CTDP1: variants seen among roughly 807,000 people sequenced by gnomAD.
The protein encoded by CTDP1 is RNA polymerase II subunit A C-terminal domain phosphatase.
CTDP1 carries 47 observed loss-of-function variants against 91.8 expected under a neutral mutation model. That is an observed-to-expected ratio of 0.51 (90% CI 0.41 to 0.65). CTDP1 has a LOEUF of 0.65. Ranked by LOEUF, CTDP1 falls within the 30% of genes least tolerant of loss-of-function variation. The pLI, the probability that CTDP1 is intolerant of heterozygous loss-of-function variation, is 0.00. For synonymous variants in CTDP1, 656 were observed against 598.5 expected (o/e 1.10, Z -1.40); for missense variants, 1,272 against 1,373.7 (o/e 0.93, Z 1.17).
chr18:79,722,843 C>G (rs1354955612), intron 10 of CTDP1, among the ~76,000 whole-genome samples: 2 of 152,238 alleles, frequency 1.3e-5, no homozygotes, highest in Non-Finnish European at 2.9e-5. Context: ...TCTGCGGGGC[C>G]TTCGTGCTGC....
intron 12 of CTDP1, among the ~76,000 whole-genome samples, chr18:79,753,342 G>A (rs1225467740): frequency 2.6e-5 from 4 of 152,244 alleles, no homozygotes; most frequent in Admixed American, 1.3e-4. Context: ...CTGTTTTCCT[G>A]TTCTGATGTC....
chr18:79,709,720 C>T (rs2086041586), intron 5 of CTDP1, among the ~76,000 whole-genome samples: 1 of 152,162 alleles, frequency 6.6e-6, no homozygotes, highest in African/African-American at 2.4e-5. Context: ...AGGCAGGCTT[C>T]CTCGATGTTG....
chr18:79,696,080 G>A lies in CTDP1; in HGVS notation c.492+10G>A, dbSNP rs1014597337. ...GATGGTGAGCTCCGAGGTGAGCCGG[G>A]CATCAGTGGCGGCGTGTTGGGGAAG... On this transcript the variant is annotated intron_variant, in intron 3 of 12. Transcript: ENST00000613122. 4 of 1,609,024 alleles carry A rather than the reference G, an allele frequency of 2.5e-6. No homozygotes were observed. The African/African-American group carries it at 4.0e-5, about 16-fold the overall frequency.
intron 12 of CTDP1, among the ~76,000 whole-genome samples, chr18:79,745,252 G>A (rs544567878): frequency 9.9e-4 from 136 of 136,744 alleles, no homozygotes; most frequent in Non-Finnish European, 1.6e-3. Context: ...TCCCATGCGC[G>A]TTCTGTCCCT....
intron 11 of CTDP1, among the ~76,000 whole-genome samples, chr18:79,732,388 A>C (rs2086584291): frequency 8.6e-6 from 1 of 116,052 alleles, no homozygotes. Flanking sequence ...AGTGCTCCCA[A>C]AATCACGCGA....
chr18:79,710,443 A>G lies in CTDP1; in HGVS notation c.863+7A>G. On this transcript the variant is annotated splice_region_variant and intron_variant, in intron 6 of 12. Coordinates refer to ENST00000613122, the MANE Select transcript of CTDP1 (RefSeq NM_004715.5). Reference sequence around the variant, plus strand: ...CTAAAACGGGAAACCTTAGGTATGTACCCAGCCGCGCTCCTCACAAAGACC... The same window carrying G: ...CTAAAACGGGAAACCTTAGGTATGTGCCCAGCCGCGCTCCTCACAAAGACC... 2 of 1,600,942 alleles carry G rather than the reference A, an allele frequency of 1.2e-6. No individual in the cohort carries two copies. The highest frequency in any genetic ancestry group is 1.7e-6 in the Non-Finnish European group (2 of 1,168,040).
intron 1 of CTDP1, among the ~76,000 whole-genome samples, chr18:79,682,424 G>T (rs530761701): frequency 6.6e-6 from 1 of 152,350 alleles, no homozygotes; most frequent in Admixed American, 6.5e-5. Flanking sequence ...TCTCCATAGA[G>T]AGTTGCAGGT....
intron 12 of CTDP1, among the ~76,000 whole-genome samples, chr18:79,736,727 G>C (rs180702230): frequency 1.5e-5 from 2 of 135,222 alleles, no homozygotes; most frequent in African/African-American, 5.3e-5. Flanking sequence ...GTGTGCAGGC[G>C]TGTGAGGTGT....
upstream of CTDP1, chr18:79,677,763 G>C (rs1438728802): frequency 6.6e-6 from 1 of 152,284 alleles, no homozygotes; most frequent in Non-Finnish European, 1.5e-5. Context: ...TCACCATCCA[G>C]TAGTCTGTAA....
chr18:79,732,226 G>A (rs1324159948), intron 11 of CTDP1, among the ~76,000 whole-genome samples: 1 of 149,120 alleles, frequency 6.7e-6, no homozygotes, highest in African/African-American at 2.5e-5. Context: ...AATCACATGA[G>A]ACTTGAGAAC....
chr18:79,738,854 G>T (rs1453609148), intron 12 of CTDP1, among the ~76,000 whole-genome samples: 2 of 152,244 alleles, frequency 1.3e-5, no homozygotes, highest in Non-Finnish European at 2.9e-5. Context: ...CAGCTGTGTT[G>T]AAATGATATG....
intron 12 of CTDP1, among the ~76,000 whole-genome samples, chr18:79,741,906 A>G (rs1332969782): frequency 6.6e-6 from 1 of 152,260 alleles, no homozygotes; most frequent in Non-Finnish European, 1.5e-5. Flanking sequence ...ATTCAAAGAC[A>G]TAATGACTGA....
At position 79,695,249 on chromosome 18, in the gene CTDP1, A is replaced by T. The variant is rs746265488; in HGVS notation, c.339A>T (p.Gly113=). 3.1e-6 allele frequency: 5 copies of T among 1,614,122 alleles called. No homozygotes were observed. ...APGAVLVRLE[G]CSHPVVMKGL... ...GAGCGGTTCTGGTGAGGTTGGAAGG[A>T]TGCAGCCACCCGGTTGTCATGAAAG... The change falls in exon 2 of 13, where the codon GGA becomes GGT. Residue 113 remains glycine, a synonymous_variant. Coordinates refer to ENST00000613122, the MANE Select transcript of CTDP1 (RefSeq NM_004715.5).
At chr18:79,679,289 G>C, upstream of CTDP1, 1 of 409,290 alleles carries the variant, frequency 2.4e-6, no homozygotes, top group Admixed American at 2.5e-5. Context: ...GGGGTCCGGG[G>C]GGGGACACGA....
At chr18:79,728,252 A>G (rs1370845487) in intron 10 of CTDP1, among the ~76,000 whole-genome samples, 1 of 152,042 alleles carries the variant, frequency 6.6e-6, no homozygotes, top group Non-Finnish European at 1.5e-5. Flanking sequence ...GGCGTGCACC[A>G]CCACACCGGG....
intron 12 of CTDP1, chr18:79,750,119 A>T (rs2086966889): frequency 6.6e-6 from 1 of 152,252 alleles, no homozygotes; most frequent in Non-Finnish European, 1.5e-5. Context: ...CAACACAGGC[A>T]CGGGCACAAG....
At chr18:79,688,142 C>T (rs981259352) in intron 1 of CTDP1, among the ~76,000 whole-genome samples, 3 of 152,236 alleles carry the variant, frequency 2.0e-5, no homozygotes, top group Non-Finnish European at 4.4e-5. Flanking sequence ...GGGCTCTGGG[C>T]GACTGAACCA....
intron 1 of CTDP1, among the ~76,000 whole-genome samples, chr18:79,680,525 C>T (rs564054883): frequency 1.2e-4 from 19 of 152,266 alleles, no homozygotes; most frequent in African/African-American, 2.2e-4. Context: ...TTGTTTCTTT[C>T]TTTCTGCAGT....
intron 12 of CTDP1, among the ~76,000 whole-genome samples, chr18:79,751,243 C>T (rs1599329850): frequency 8.8e-6 from 1 of 113,078 alleles, no homozygotes; most frequent in Admixed American, 1.0e-4. Context: ...AGAGGACAGG[C>T]CGGGGAGGGA....
Sources: gnomAD v4.1 joint callset for allele counts (sites outside exome capture counted in the v4.1 genomes callset) on GRCh38, gnomAD v4.1.1 for gene constraint, MANE v1.5 for transcripts, NCBI Gene and HGNC (gene_info 2026-07-23, HGNC 2026-07-21) for gene names.